SORCS3: variants seen among roughly 807,000 people sequenced by gnomAD.
SORCS3 encodes the protein VPS10 domain-containing receptor SorCS3.
SORCS3 carries 57 observed loss-of-function variants against 146.3 expected under a neutral mutation model. That is an observed-to-expected ratio of 0.39 (90% CI 0.31 to 0.49). The LOEUF (loss-of-function observed/expected upper bound fraction) is 0.49. SORCS3 is among the 20% of genes least tolerant of loss of function. The pLI, the probability that SORCS3 is intolerant of heterozygous loss-of-function variation, is 0.92. For synonymous variants in SORCS3, 653 were observed against 618.5 expected, an observed-to-expected ratio of 1.06 and a Z score of -0.83; for missense variants, 1,341 against 1,575.5, an observed-to-expected ratio of 0.85 and a Z score of 2.52.
chr10:104,940,228 ATATATATATATTTTTTTTTT>A (rs1302749477), intron 3 of SORCS3, among the ~76,000 whole-genome samples: 688 of 34,204 alleles, frequency 0.02, 20 homozygotes, highest in African/African-American at 0.089. Flanking sequence ...ATATATATAT[ATATATATATATTTTTTTTTT>A]TTTTTTTATT....
intron 7 of SORCS3, among the ~76,000 whole-genome samples, chr10:105,122,539 A>G (rs1432451139): frequency 6.6e-6 from 1 of 152,186 alleles, no homozygotes; most frequent in Non-Finnish European, 1.5e-5. Context: ...TCATCCATTC[A>G]TTTAATAATC....
intron 1 of SORCS3, among the ~76,000 whole-genome samples, chr10:104,679,013 T>C (rs1404177416): frequency 8.5e-5 from 13 of 152,164 alleles, no homozygotes; most frequent in Non-Finnish European, 1.8e-4. Context: ...TTGAAGGGCT[T>C]TTATACAGAA....
At chr10:105,124,906 G>A (rs776178023) in intron 7 of SORCS3, among the ~76,000 whole-genome samples, 70 of 152,186 alleles carry the variant, frequency 4.6e-4, no homozygotes, top group Non-Finnish European at 8.5e-4. Flanking sequence ...AAGGCCTTCT[G>A]TCTGATTCTC....
Position 104,909,530 on chromosome 10 carries a change from A to G in SORCS3, c.696-6303A>G, listed in dbSNP as rs530538094. ...AAAGATGCCAGGGTTAATGATCCTT[A>G]ATTTTGCAGAGCTCAGGGGCAAGAA... is the stretch of plus-strand genomic sequence containing the variant. On this transcript the variant is annotated intron_variant, in intron 2 of 26. Transcript: ENST00000369701. Among the ~76,000 whole-genome samples, 5 of 152,244 alleles carry G rather than the reference A, an allele frequency of 3.3e-5. No homozygotes were observed. In the South Asian group the frequency reaches 1.0e-3, roughly 32 times the overall value.
chr10:105,249,398 A>G (rs529545377), intron 22 of SORCS3, among the ~76,000 whole-genome samples: 1 of 152,268 alleles, frequency 6.6e-6, no homozygotes, highest in Admixed American at 6.5e-5. Context: ...GAGTTGGGGG[A>G]CAAGGCAGAC....
intron 7 of SORCS3, among the ~76,000 whole-genome samples, chr10:105,110,634 T>C (rs1457952581): frequency 6.6e-6 from 1 of 152,140 alleles, no homozygotes; most frequent in Non-Finnish European, 1.5e-5. Context: ...GAGTGGGTCC[T>C]TCTGATAAGA....
intron 4 of SORCS3, among the ~76,000 whole-genome samples, chr10:104,994,126 G>A (rs1182927251): frequency 1.3e-5 from 2 of 152,170 alleles, no homozygotes; most frequent in Non-Finnish European, 2.9e-5. Context: ...TACTTATTGA[G>A]CACTTACCAT....
intron 1 of SORCS3, among the ~76,000 whole-genome samples, chr10:104,810,532 A>T (rs2017728812): frequency 6.6e-6 from 1 of 152,220 alleles, no homozygotes; most frequent in Non-Finnish European, 1.5e-5. Context: ...AGTACAGTTT[A>T]ATTATATGAT....
chr10:105,248,591 G>A (rs926938684), intron 22 of SORCS3, among the ~76,000 whole-genome samples: 2 of 151,908 alleles, frequency 1.3e-5, no homozygotes, highest in African/African-American at 4.8e-5. Context: ...GCGTGTGCCT[G>A]TAGTCCCAGC....
In SORCS3 at chr10:105,239,608, G is replaced by A. The variant is rs537574224; in HGVS notation, c.2869-5934G>A. Among the ~76,000 whole-genome samples the A allele has an allele frequency of 2.6e-5, 4 of 152,280 alleles. No homozygotes were observed. The South Asian group carries it at 8.3e-4, about 32-fold the overall frequency. ...GGATGTAGCTCACAGCCTAGGCAGG[G>A]CATGAGGTATTTTTCTAAGGGGCCT... On this transcript the variant is annotated intron_variant, in intron 20 of 26. Transcript: ENST00000369701.
chr10:105,143,001 CAA>C, intron 8 of SORCS3, among the ~76,000 whole-genome samples: 1 of 152,268 alleles, frequency 6.6e-6, no homozygotes, highest in South Asian at 2.1e-4. Context: ...CCACACTTCT[CAA>C]AAGAGTTATC....
chr10:104,806,138 T>C (rs2017677545), intron 1 of SORCS3, among the ~76,000 whole-genome samples: 1 of 152,204 alleles, frequency 6.6e-6, no homozygotes, highest in Admixed American at 6.5e-5. Flanking sequence ...AGAGGCCAAG[T>C]GTCCTTCCTA....
intron 2 of SORCS3, among the ~76,000 whole-genome samples, chr10:104,912,538 G>A (rs1344654321): frequency 2.0e-5 from 3 of 152,216 alleles, no homozygotes; most frequent in Non-Finnish European, 2.9e-5. Flanking sequence ...AGCCTCAAGC[G>A]TGTTTTCTAG....
At chr10:104,691,315 T>C (rs773166305) in intron 1 of SORCS3, among the ~76,000 whole-genome samples, 36 of 152,100 alleles carry the variant, frequency 2.4e-4, no homozygotes, top group Middle Eastern at 3.4e-3. Context: ...AAGACTACAG[T>C]GGGAGGATTG....
At chr10:105,039,006 G>A (rs1589604786) in intron 4 of SORCS3, among the ~76,000 whole-genome samples, 1 of 152,194 alleles carries the variant, frequency 6.6e-6, no homozygotes, top group East Asian at 1.9e-4. Context: ...CAATACCAAG[G>A]CCTACTTTGC....
At chr10:104,845,482 G>T (rs1162115221) in intron 2 of SORCS3, among the ~76,000 whole-genome samples, 2 of 152,168 alleles carry the variant, frequency 1.3e-5, no homozygotes, top group Non-Finnish European at 2.9e-5. Flanking sequence ...TCACATGTAG[G>T]AAGTGCTTAC....
chr10:104,722,088 C>T (rs1219611663), intron 1 of SORCS3, among the ~76,000 whole-genome samples: 16 of 152,140 alleles, frequency 1.1e-4, no homozygotes, highest in Admixed American at 9.8e-4. Flanking sequence ...AGTTTTTGCC[C>T]ATTCAGTATG....
intron 19 of SORCS3, among the ~76,000 whole-genome samples, chr10:105,222,596 T>A (rs1340151285): frequency 6.6e-6 from 1 of 152,208 alleles, no homozygotes; most frequent in Non-Finnish European, 1.5e-5. Flanking sequence ...GGAGATATAC[T>A]TTTCCCTGTT....
chr10:104,975,877 G>C (rs752371406), intron 3 of SORCS3, among the ~76,000 whole-genome samples: 11 of 152,296 alleles, frequency 7.2e-5, no homozygotes, highest in Admixed American at 1.3e-4. Context: ...GCTGAAACTG[G>C]ATACCTTCCT....
Sources: gnomAD v4.1 joint callset for allele counts (sites outside exome capture counted in the v4.1 genomes callset) on GRCh38, gnomAD v4.1.1 for gene constraint, MANE v1.5 for transcripts, NCBI Gene and HGNC (gene_info 2026-07-23, HGNC 2026-07-21) for gene names.